EBNA1BP2: variants seen among roughly 807,000 people sequenced by gnomAD.
EBNA1BP2 encodes the protein probable rRNA-processing protein EBP2.
In EBNA1BP2, 36 loss-of-function variants were observed where a neutral mutation model predicts 43.5. That is an observed-to-expected ratio of 0.83 (90% CI 0.63 to 1.09). The LOEUF is 1.09. Among genes scored for constraint, EBNA1BP2 ranks in the 50% least tolerant of loss-of-function variants. The pLI is 0.00. For missense variants in EBNA1BP2, 332 were observed against 379.1 expected, an observed-to-expected ratio of 0.88 and a Z score of 1.03; for synonymous variants, 127 against 141.3, an observed-to-expected ratio of 0.90 and a Z score of 0.72.
chr1:43,172,543 G>T, upstream of EBNA1BP2: 2 of 1,153,670 alleles, frequency 1.7e-6, no homozygotes, highest in Non-Finnish European at 2.4e-6. Flanking sequence ...CGGGGGTGGG[G>T]TGGCGCGGAG....
At chr1:43,167,032 C>T in intron 6 of EBNA1BP2, 113 bp from the exon 7 acceptor site, 1 of 1,481,680 alleles carries the variant, frequency 6.7e-7, no homozygotes, top group Non-Finnish European at 9.4e-7. Context: ...ACATCCTGCT[C>T]TCCAACACCA....
chr1:43,165,195 AAATGT>A (rs1200086151), intron 7 of EBNA1BP2, among the ~76,000 whole-genome samples: 3 of 152,252 alleles, frequency 2.0e-5, no homozygotes, highest in African/African-American at 4.8e-5. Context: ...TGTAACATTC[AAATGT>A]AATGTAATGA....
intron 3 of EBNA1BP2, 33 bp from the exon 4 acceptor site, chr1:43,170,912 T>A: frequency 6.5e-7 from 1 of 1,528,302 alleles, no homozygotes; most frequent in Non-Finnish European, 8.7e-7. Context: ...TGTAATGAGG[T>A]GAAGGAGGAG....
intron 3 of EBNA1BP2, 45 bp downstream of exon 3, chr1:43,171,434 T>C: frequency 1.3e-6 from 2 of 1,571,748 alleles, no homozygotes; most frequent in Non-Finnish European, 1.7e-6. Flanking sequence ...CCCACTCTCC[T>C]GCACAAGGAT....
chr1:43,168,074 AAATT>A (rs1429665598), intron 5 of EBNA1BP2, among the ~76,000 whole-genome samples: 2 of 152,252 alleles, frequency 1.3e-5, no homozygotes, highest in Non-Finnish European at 2.9e-5. Flanking sequence ...TGGCTATGTT[AAATT>A]AATTACTGGT....
At chr1:43,168,814 T>C in intron 5 of EBNA1BP2, 125 bp downstream of exon 5, 1 of 986,084 alleles carries the variant, frequency 1.0e-6, no homozygotes, top group Non-Finnish European at 1.6e-6. Flanking sequence ...GCACATACAC[T>C]GAGAGACGGT....
intron 4 of EBNA1BP2, among the ~76,000 whole-genome samples, chr1:43,169,546 C>A (rs1383726328): frequency 1.3e-5 from 2 of 152,132 alleles, no homozygotes; most frequent in African/African-American, 2.4e-5. Flanking sequence ...CAGCTTGAGA[C>A]CCCAGGGTAC....
chr1:43,170,637 A>T, intron 4 of EBNA1BP2, 119 bp downstream of exon 4: 1 of 1,401,866 alleles, frequency 7.1e-7, no homozygotes, highest in Non-Finnish European at 9.6e-7. Flanking sequence ...TGGAAGAGGT[A>T]ATAATTGTCC....
intron 4 of EBNA1BP2, among the ~76,000 whole-genome samples, chr1:43,170,347 C>T (rs2124168524): frequency 6.6e-6 from 1 of 152,286 alleles, no homozygotes; most frequent in Non-Finnish European, 1.5e-5. Context: ...TCTGAACCAT[C>T]TAAGAATCCC....
upstream of EBNA1BP2, chr1:43,172,305 A>C (rs1196883335): frequency 2.6e-6 from 4 of 1,551,676 alleles, no homozygotes; most frequent in South Asian, 1.2e-5. Flanking sequence ...TTTGATTGGG[A>C]CTTCCGCTTC....
chr1:43,171,573 C>T lies in EBNA1BP2; in HGVS notation c.229G>A (p.Val77Ile), dbSNP rs1644972097. Residue 77 changes from valine to isoleucine, a missense_variant, in exon 3 of 9, where the codon GTA (valine) becomes ATA (isoleucine). Around this residue, in one of 3 missense-constraint regions of EBNA1BP2, gnomAD observed 182 missense variants for 173.7 expected, o/e 1.05. Coordinates refer to ENST00000236051, the MANE Select transcript of EBNA1BP2 (RefSeq NM_006824.3). ...VERLDVTLGP[V>I]PEIGGSEAPA... ...GCCTCAGATCCACCGATCTCCGGTACCGGACCCAGTGTCACATCGAGCCTT... is the reference window on the plus strand; with the variant it reads ...GCCTCAGATCCACCGATCTCCGGTATCGGACCCAGTGTCACATCGAGCCTT... 3.7e-6 allele frequency: 6 copies of T among 1,614,206 alleles called. No homozygotes were observed. The East Asian group carries it at 1.3e-4, about 36-fold the overall frequency.
chr1:43,164,386 C>G lies in EBNA1BP2; in HGVS notation c.*57G>C. ...ACCAACAGAAGGGATCAAAGTGTGT[C>G]GTGAAATTGCGAGTCTTCATTCCTT... On this transcript the variant is annotated 3_prime_UTR_variant, in exon 9 of 9. Transcript: ENST00000236051. 6.2e-7 allele frequency: 1 copy of G among 1,601,998 alleles called. No individual in the cohort carries two copies. Among genetic ancestry groups the G allele is most frequent in the East Asian group, 2.2e-5 (1 of 44,798 alleles).
intron 4 of EBNA1BP2, among the ~76,000 whole-genome samples, 176 bp downstream of exon 4, chr1:43,170,580 T>C (rs992921514): frequency 1.3e-5 from 2 of 152,246 alleles, no homozygotes; most frequent in Admixed American, 6.5e-5. Flanking sequence ...CATTTTTATA[T>C]GCATCTAATT....
chr1:43,171,246 A>T, intron 3 of EBNA1BP2: 1 of 548,440 alleles, frequency 1.8e-6, no homozygotes, highest in East Asian at 3.5e-5. Context: ...AGCATGCACA[A>T]AAAGTTTTAA....
At chr1:43,172,400 C>T (rs1248768979), upstream of EBNA1BP2, 5 of 1,551,466 alleles carry the variant, frequency 3.2e-6, no homozygotes, top group East Asian at 2.4e-5. Flanking sequence ...AGGATCCCTA[C>T]AGGTAGCGCC....
chr1:43,168,907 T>C, intron 5 of EBNA1BP2, 32 bp downstream of exon 5: 1 of 1,609,984 alleles, frequency 6.2e-7, no homozygotes, highest in Non-Finnish European at 8.5e-7. Context: ...ACACTCCGCC[T>C]CTTCCTGTTC....
upstream of EBNA1BP2, chr1:43,172,561 C>T (rs533280374): frequency 6.1e-6 from 4 of 657,070 alleles, no homozygotes; most frequent in East Asian, 4.9e-5. Context: ...GAGGAGGACC[C>T]CGGGGGAGGG....
chr1:43,169,353 G>A (rs184704512), intron 4 of EBNA1BP2, among the ~76,000 whole-genome samples: 19 of 152,236 alleles, frequency 1.2e-4, no homozygotes, highest in Admixed American at 1.1e-3. Flanking sequence ...ACCAGTATGC[G>A]GCCTCAGTGT....
intron 1 of EBNA1BP2, 36 bp downstream of exon 1, chr1:43,172,017 C>A: frequency 6.2e-7 from 1 of 1,614,174 alleles, no homozygotes; most frequent in Non-Finnish European, 8.5e-7. Context: ...GGCCCCCTCT[C>A]CCACGCCCAG....
Sources: gnomAD v4.1 joint callset for allele counts (sites outside exome capture counted in the v4.1 genomes callset) on GRCh38, gnomAD v4.1.1 for gene constraint, gnomAD v4.1.1 regional missense constraint, MANE v1.5 for transcripts, NCBI Gene and HGNC (gene_info 2026-07-23, HGNC 2026-07-21) for gene names.